Variants in TET2 observed in about 807,000 individuals in gnomAD.
TET2 encodes the protein methylcytosine dioxygenase TET2.
In TET2, 299 loss-of-function variants were observed where a neutral mutation model predicts 142.9. That is an observed-to-expected ratio of 2.09 (90% CI 1.90 to 2.30). TET2 has a LOEUF of 2.30. TET2 is among the 30% of genes most tolerant of loss of function. The pLI is 0.00. For synonymous variants in TET2, 819 were observed against 849.0 expected (o/e 0.96, Z 0.61); for missense variants, 2,418 against 2,378.0 (o/e 1.02, Z -0.35).
In TET2 at chr4:105,276,849, C is replaced by CCA. The variant is rs1447484121; in HGVS notation, c.*330_*331insCA. 3 of 193,046 alleles carry CCA rather than the reference C, an allele frequency of 1.6e-5. No individual in the cohort carries two copies. Among genetic ancestry groups the CCA allele is most frequent in the Non-Finnish European group, 3.1e-5 (3 of 97,022 alleles). The allele number at this position is 193,046 out of a possible 1,614,324, so 12.0% of individuals were successfully genotyped here. ...ATATGTAAATGTGATCCCCCCCCCC[C>CCA]GCTTACAACTCTACACATCTGTGAC... On this transcript the variant is annotated 3_prime_UTR_variant, in exon 11 of 11. Coordinates refer to ENST00000380013, the MANE Select transcript of TET2 (RefSeq NM_001127208.3).
intron 1 of TET2, among the ~76,000 whole-genome samples, chr4:105,174,858 A>C (rs1438296971): frequency 1.3e-5 from 2 of 152,202 alleles, no homozygotes. Context: ...CCAGAGCCTA[A>C]ACTTTTGGGA....
chr4:105,179,184 T>G (rs1295342872), intron 1 of TET2, among the ~76,000 whole-genome samples: 1 of 152,172 alleles, frequency 6.6e-6, no homozygotes, highest in African/African-American at 2.4e-5. Flanking sequence ...GAGATTTGGG[T>G]GGGGACACAA....
chr4:105,272,431 A>G (rs12640842), intron 9 of TET2, 133 bp from the exon 10 acceptor site: 30,996 of 617,070 alleles, frequency 0.05, 1,944 homozygotes, highest in East Asian at 0.2. Context: ...TTATGGTAAT[A>G]TATATGTCAC....
intron 1 of TET2, among the ~76,000 whole-genome samples, chr4:105,160,315 A>G (rs1723784527): frequency 6.6e-6 from 1 of 152,194 alleles, no homozygotes; most frequent in Non-Finnish European, 1.5e-5. Flanking sequence ...ATTTTTATCA[A>G]TACAAAGCAA....
chr4:105,174,779 A>G (rs899861883), intron 1 of TET2, among the ~76,000 whole-genome samples: 7 of 152,186 alleles, frequency 4.6e-5, no homozygotes, highest in Non-Finnish European at 8.8e-5. Context: ...GGAGAAGAAA[A>G]GGAACCATCT....
At chr4:105,225,495 T>C (rs1244951429) in intron 2 of TET2, among the ~76,000 whole-genome samples, 1 of 152,148 alleles carries the variant, frequency 6.6e-6, no homozygotes, top group East Asian at 1.9e-4. Flanking sequence ...TGTCAGCCTT[T>C]TACCTTTGAC....
chr4:105,262,009 T>C (rs1730458839), intron 8 of TET2, among the ~76,000 whole-genome samples, 161 bp downstream of exon 8: 1 of 152,156 alleles, frequency 6.6e-6, no homozygotes. Flanking sequence ...ATATAAAAAT[T>C]ATACCATACA....
chr4:105,161,416 CT>C (rs1723852287), intron 1 of TET2, among the ~76,000 whole-genome samples: 1 of 152,116 alleles, frequency 6.6e-6, no homozygotes, highest in Admixed American at 6.5e-5. Flanking sequence ...TATCTACTTG[CT>C]TTTTTAGTGT....
chr4:105,190,098 C>T (rs746085254), intron 1 of TET2, among the ~76,000 whole-genome samples: 6 of 152,280 alleles, frequency 3.9e-5, no homozygotes, highest in Non-Finnish European at 7.3e-5. Context: ...GGCTCTTAAG[C>T]CTCATTGATT....
At position 105,259,761 on chromosome 4, in the gene TET2, C is replaced by T. The variant is rs1279575206; in HGVS notation, c.3946C>T (p.Pro1316Ser). 8 of 1,550,044 alleles carry T rather than the reference C, an allele frequency of 5.2e-6. No homozygotes were observed. The highest frequency in any genetic ancestry group is 7.0e-6 in the Non-Finnish European group (8 of 1,146,092). ...GAAGTTTAAGCTGCTTGGGGATGAC[C>T]CAAAAGAGGTTTGTTTACTTCCTGA... ...PRKFKLLGDD[P>S]KEEEKLESHL... Residue 1316 changes from proline to serine, a missense_variant, in exon 7 of 11, where the codon CCA becomes TCA. By Grantham distance (74) the Pro-to-Ser change is moderately conservative. Coordinates refer to ENST00000380013, the MANE Select transcript of TET2 (RefSeq NM_001127208.3).
chr4:105,193,744 G>T (rs978872333), intron 2 of TET2, among the ~76,000 whole-genome samples: 1 of 152,182 alleles, frequency 6.6e-6, no homozygotes, highest in African/African-American at 2.4e-5. Flanking sequence ...TGGGACATAT[G>T]AGTTTGAATT....
At chr4:105,197,292 GA>G (rs1726150209) in intron 2 of TET2, among the ~76,000 whole-genome samples, 1 of 152,212 alleles carries the variant, frequency 6.6e-6, no homozygotes, top group African/African-American at 2.4e-5. Flanking sequence ...TGTTGTGAAT[GA>G]TATTTGATGT....
intron 2 of TET2, among the ~76,000 whole-genome samples, chr4:105,211,622 T>G (rs926758908): frequency 6.6e-6 from 1 of 152,002 alleles, no homozygotes; most frequent in Non-Finnish European, 1.5e-5. Context: ...AAAGGATAGT[T>G]CAGAAGAGGG....
intron 1 of TET2, among the ~76,000 whole-genome samples, chr4:105,181,772 TTGA>T (rs1366423787): frequency 6.6e-6 from 1 of 152,178 alleles, no homozygotes; most frequent in Non-Finnish European, 1.5e-5. Context: ...ATGAGTTACT[TTGA>T]TGAAAAATAC....
intron 2 of TET2, among the ~76,000 whole-genome samples, chr4:105,218,379 A>G (rs1578640392): frequency 6.6e-6 from 1 of 152,078 alleles, no homozygotes; most frequent in African/African-American, 2.4e-5. Context: ...GAAGTTGGAC[A>G]AGGCTGCATT....
chr4:105,216,692 C>T (rs1212916553), intron 2 of TET2, among the ~76,000 whole-genome samples: 1 of 151,944 alleles, frequency 6.6e-6, no homozygotes, highest in Non-Finnish European at 1.5e-5. Context: ...CTCTACAATC[C>T]TGTTTTTGTT....
chr4:105,183,538 A>G (rs1184339188), intron 1 of TET2, among the ~76,000 whole-genome samples: 5 of 152,186 alleles, frequency 3.3e-5, no homozygotes, highest in Non-Finnish European at 1.5e-5. Context: ...ACAATTTAAC[A>G]TCTTATAGGC....
chr4:105,244,621 G>GT lies in TET2; in HGVS notation c.3803+846dup, dbSNP rs1482617447. ...TTTTTTTTTTTTTTTTTGAGATGGA[G>GT]TTTCGCTCTTGTTGCCCAGGCTGGA... is the stretch of plus-strand genomic sequence containing the variant. On this transcript the variant is annotated intron_variant, in intron 6 of 10. Transcript: ENST00000380013. Among the ~76,000 whole-genome samples the GT allele has an allele frequency of 4.1e-5, 4 of 97,670 alleles. No homozygotes were observed. In the East Asian group the frequency reaches 9.6e-4, roughly 23 times the overall value. The allele number at this position is 97,670 out of a possible 152,430, so 64.1% of individuals were successfully genotyped here.
At chr4:105,200,948 C>T (rs1323727391) in intron 2 of TET2, among the ~76,000 whole-genome samples, 2 of 152,078 alleles carry the variant, frequency 1.3e-5, no homozygotes, top group African/African-American at 4.8e-5. Context: ...CTTGAGCCAC[C>T]ACACCTGGCC....
Sources: gnomAD v4.1 joint callset for allele counts (sites outside exome capture counted in the v4.1 genomes callset) on GRCh38, gnomAD v4.1.1 for gene constraint, MANE v1.5 for transcripts, NCBI Gene and HGNC (gene_info 2026-07-23, HGNC 2026-07-21) for gene names.